SEL1L2: variants seen among roughly 807,000 people sequenced by gnomAD.
SEL1L2 encodes protein sel-1 homolog 2.
In SEL1L2, 89 loss-of-function variants were observed where a neutral mutation model predicts 98.8. The observed-to-expected ratio is 0.90, with a 90% CI of 0.76 to 1.07. The LOEUF (loss-of-function observed/expected upper bound fraction) is 1.07, where lower values mean the gene tolerates loss of function less well. SEL1L2 is among the 50% of genes least tolerant of loss of function. The pLI is 0.00. For missense variants in SEL1L2, 788 were observed against 812.0 expected (o/e 0.97, Z 0.36); for synonymous variants, 262 against 278.5 (o/e 0.94, Z 0.59).
intron 5 of SEL1L2, among the ~76,000 whole-genome samples, chr20:13,911,273 A>T (rs1208480948): frequency 6.6e-6 from 1 of 152,254 alleles, no homozygotes; most frequent in Non-Finnish European, 1.5e-5. Flanking sequence ...ATTACGTTTG[A>T]CACATAGTAG....
intron 2 of SEL1L2, among the ~76,000 whole-genome samples, chr20:13,949,132 T>C (rs2148411056): frequency 1.3e-5 from 2 of 152,274 alleles, no homozygotes; most frequent in Middle Eastern, 6.8e-3. Context: ...GGAGAAAATA[T>C]TTGCAAATTA....
intron 1 of SEL1L2, among the ~76,000 whole-genome samples, chr20:13,962,973 G>A (rs905824787): frequency 6.6e-6 from 1 of 151,420 alleles, no homozygotes; most frequent in East Asian, 1.9e-4. Context: ...AGGCTGAGGC[G>A]GGAGAATTGC....
At chr20:13,916,780 T>C (rs6074660) in intron 4 of SEL1L2, among the ~76,000 whole-genome samples, 50,251 of 151,840 alleles carry the variant, frequency 0.33, 8,694 homozygotes, top group East Asian at 0.48. Context: ...CATTCCAGCC[T>C]GGGCAACAGA....
intron 1 of SEL1L2, among the ~76,000 whole-genome samples, chr20:13,962,581 CATT>C (rs1269523626): frequency 1.3e-5 from 2 of 152,172 alleles, no homozygotes; most frequent in Non-Finnish European, 2.9e-5. Flanking sequence ...AGTAATAAAT[CATT>C]GTTGTTTGAA....
In SEL1L2 at chr20:13,866,785, C is replaced by A; in HGVS notation, c.1321G>T (p.Gly441Trp). The stretch of plus-strand genomic sequence containing the variant: ...AGATAATAAATGGCAAGGGGCTGCC[C>A]ACTCTGAGATGCCAGGTAAAAATAT... Reference protein sequence around the residue: ...FKYFYLASQSGQPLAIYYLAK... With the variant: ...FKYFYLASQSWQPLAIYYLAK... The change falls in exon 15 of 20, where the codon GGG becomes TGG. Residue 441 changes from glycine (G) to tryptophan (W), a missense_variant. Transcript: ENST00000284951. 1 of 1,613,204 alleles carries A rather than the reference C, an allele frequency of 6.2e-7. No individual in the cohort carries two copies. Among genetic ancestry groups the A allele is most frequent in the South Asian group, 1.1e-5 (1 of 90,904 alleles).
chr20:13,930,406 TG>T (rs1286998802), intron 3 of SEL1L2, among the ~76,000 whole-genome samples: 1 of 152,240 alleles, frequency 6.6e-6, no homozygotes, highest in African/African-American at 2.4e-5. Flanking sequence ...GGGGTGGTAA[TG>T]CCAGTCCTGC....
chr20:13,865,753 T>G (rs1015646487), intron 15 of SEL1L2, among the ~76,000 whole-genome samples: 2 of 152,188 alleles, frequency 1.3e-5, no homozygotes, highest in African/African-American at 4.8e-5. Context: ...TCCTCAGCCT[T>G]ATTTTAAATT....
At chr20:13,906,917 G>C (rs1285261101) in intron 5 of SEL1L2, among the ~76,000 whole-genome samples, 1 of 152,072 alleles carries the variant, frequency 6.6e-6, no homozygotes, top group African/African-American at 2.4e-5. Flanking sequence ...GACCTCAAGT[G>C]ATCCACCCGC....
chr20:13,987,635 A>ATTACAGGTGTGAGCCC (rs2052293666), intron 1 of SEL1L2, among the ~76,000 whole-genome samples: 2 of 152,162 alleles, frequency 1.3e-5, no homozygotes, highest in Non-Finnish European at 2.9e-5. Context: ...GGTGTGAGCC[A>ATTACAGGTGTGAGCCC]CTGCGCCCGG....
chr20:13,870,922 C>CAAAAAAA (rs534578783), intron 12 of SEL1L2, among the ~76,000 whole-genome samples: 80 of 52,970 alleles, frequency 1.5e-3, no homozygotes, highest in East Asian at 2.7e-3. Context: ...AACTCCATCT[C>CAAAAAAA]AAAAAAAAAA....
At chr20:13,900,670 A>G (rs2047630322) in intron 5 of SEL1L2, among the ~76,000 whole-genome samples, 1 of 151,926 alleles carries the variant, frequency 6.6e-6, no homozygotes, top group South Asian at 2.1e-4. Flanking sequence ...TGCGGCCAGG[A>G]CTCCCTCTCT....
intron 12 of SEL1L2, 29 bp from the exon 13 acceptor site, chr20:13,870,232 G>C: frequency 1.3e-6 from 2 of 1,552,518 alleles, no homozygotes; most frequent in South Asian, 2.4e-5. Flanking sequence ...GCCAAGTAAA[G>C]TCCCAGAAGA....
At chr20:13,940,611 A>G (rs1257881139) in intron 2 of SEL1L2, among the ~76,000 whole-genome samples, 1 of 152,206 alleles carries the variant, frequency 6.6e-6, no homozygotes, top group African/African-American at 2.4e-5. Context: ...TCTGGCTGAC[A>G]TGTGAGGAAC....
At chr20:13,940,774 C>T (rs1375748615) in intron 2 of SEL1L2, among the ~76,000 whole-genome samples, 1 of 152,088 alleles carries the variant, frequency 6.6e-6, no homozygotes, top group African/African-American at 2.4e-5. Flanking sequence ...GTGGCAGGCA[C>T]CTGTAATCCC....
At chr20:13,986,919 G>A (rs942829724) in intron 1 of SEL1L2, among the ~76,000 whole-genome samples, 111 of 152,224 alleles carry the variant, frequency 7.3e-4, no homozygotes, top group African/African-American at 2.6e-3. Context: ...TGCAAGCTCC[G>A]CCTCCCGGGT....
chr20:13,920,575 ACACT>A (rs2048618310), intron 3 of SEL1L2, among the ~76,000 whole-genome samples: 1 of 127,894 alleles, frequency 7.8e-6, no homozygotes, highest in South Asian at 2.5e-4. Flanking sequence ...TCTCTCACAC[ACACT>A]CTCACATACA....
chr20:13,900,901 T>G (rs914181750), intron 5 of SEL1L2, among the ~76,000 whole-genome samples: 1 of 152,168 alleles, frequency 6.6e-6, no homozygotes, highest in Non-Finnish European at 1.5e-5. Context: ...TCCCCATTAT[T>G]GGGAGCATTT....
intron 1 of SEL1L2, among the ~76,000 whole-genome samples, chr20:13,981,473 C>A (rs1414042223): frequency 1.3e-5 from 2 of 152,148 alleles, no homozygotes; most frequent in Non-Finnish European, 2.9e-5. Flanking sequence ...AAAAATGGTA[C>A]TTATATGAAG....
chr20:13,920,008 C>CACT (rs1164130784), intron 3 of SEL1L2, among the ~76,000 whole-genome samples: 2 of 151,440 alleles, frequency 1.3e-5, no homozygotes, highest in Non-Finnish European at 2.9e-5. Context: ...GCAGGCGGAT[C>CACT]ACTTGAGGTC....
Sources: gnomAD v4.1 joint callset for allele counts (sites outside exome capture counted in the v4.1 genomes callset) on GRCh38, gnomAD v4.1.1 for gene constraint, MANE v1.5 for transcripts, NCBI Gene and HGNC (gene_info 2026-07-23, HGNC 2026-07-21) for gene names.